Variants in ZNF550 observed in about 807,000 individuals in gnomAD.
The protein encoded by ZNF550 is zinc finger protein 550.
Under a neutral mutation model 40.2 loss-of-function variants are expected in ZNF550, and 42 were observed. That is an observed-to-expected ratio of 1.05 (90% CI 0.82 to 1.35). The LOEUF is 1.35. ZNF550 is among the 40% of genes most tolerant of loss of function. The pLI, the probability that ZNF550 is intolerant of heterozygous loss-of-function variation, is 0.00. For synonymous variants in ZNF550, 223 were observed against 198.6 expected, an observed-to-expected ratio of 1.12 and a Z score of -1.03; for missense variants, 549 against 525.2, an observed-to-expected ratio of 1.05 and a Z score of -0.44.
Position 57,547,892 on chromosome 19 carries a change from AG to A in ZNF550, c.351del (p.Ser118GlnfsTer23). 6.2e-7 allele frequency: 1 copy of A among 1,614,030 alleles called. No individual in the cohort carries two copies. The highest frequency in any genetic ancestry group is 8.5e-7 in the Non-Finnish European group (1 of 1,180,010). ...GCTCTCCCCAACCTCGAATCACTTG[AG>A]GTTGAAGATTCCAGAGTCAGGCTTC... On this transcript the variant is annotated frameshift_variant, in exon 4 of 5. Transcript: ENST00000457177. LOFTEE classifies it high-confidence loss of function.
intron 2 of ZNF550, 25 bp from the exon 3 acceptor site, chr19:57,552,747 TA>T: frequency 2.0e-6 from 3 of 1,528,082 alleles, no homozygotes; most frequent in African/African-American, 1.4e-5. Flanking sequence ...AGAAATAGAA[TA>T]GGGGTAATTT....
exon 5 of ZNF550, chr19:57,543,171 T>C (rs1166863934): frequency 2.2e-6 from 2 of 891,504 alleles, no homozygotes; most frequent in East Asian, 1.2e-4. Context: ...TTTCCTTCGG[T>C]GTTGTAGTTC....
intron 1 of ZNF550, chr19:57,557,506 TAG>T (rs1290765577): frequency 2.6e-5 from 4 of 152,230 alleles, no homozygotes; most frequent in South Asian, 2.1e-4. Flanking sequence ...ATGGAGATGG[TAG>T]AGATAGTGAT....
chr19:57,552,471 C>A, intron 3 of ZNF550, 156 bp downstream of exon 3: 1 of 597,988 alleles, frequency 1.7e-6, no homozygotes, highest in Non-Finnish European at 3.0e-6. Flanking sequence ...TCAGTGCTCA[C>A]CTGATGATGG....
chr19:57,558,654 T>C (rs1312752199), intron 1 of ZNF550, among the ~76,000 whole-genome samples: 1 of 152,154 alleles, frequency 6.6e-6, no homozygotes, highest in Admixed American at 6.5e-5. Flanking sequence ...AAAGAGACTC[T>C]GGTCAGCTTT....
rs375809642 is a variant in ZNF550 at position 57,551,419 on chromosome 19, C to T, written c.250+1208G>A. 7.9e-5 allele frequency among the ~76,000 whole-genome samples: 12 copies of T among 151,932 alleles called. No individual in the cohort carries two copies. The East Asian group carries it at 1.7e-3, about 22-fold the overall frequency. ...GCCCAGGCAGAAGATTATGAGAGCC[C>T]GGACTAGGGTGTTGGTGAAGGAGCC... On this transcript the variant is annotated intron_variant, in intron 3 of 4. Coordinates refer to ENST00000457177, the Ensembl canonical transcript of ZNF550.
rs1188375456 is a variant in ZNF550 at position 57,554,706 on chromosome 19, C to T, written c.154+1525G>A. On this transcript the variant is annotated intron_variant, in intron 2 of 4. Coordinates refer to ENST00000457177, the Ensembl canonical transcript of ZNF550. The surrounding 1 kb of genome is among the most constrained non-coding windows in gnomAD (Gnocchi z 4.5). ...TTCAGACATGTCACAGTAAGGTCCA[C>T]CAATGTGTGCTACATGCCTGGCTTT... is the stretch of plus-strand genomic sequence containing the variant. 1.3e-5 allele frequency: 2 copies of T among 152,254 alleles called. No homozygotes were observed. Among genetic ancestry groups the T allele is most frequent in the African/African-American group, 4.8e-5 (2 of 41,464 alleles). The allele number at this position is 152,254 out of a possible 1,614,324, so 9.4% of individuals were successfully genotyped here.
At chr19:57,550,735 C>T (rs966629107) in intron 3 of ZNF550, among the ~76,000 whole-genome samples, 1 of 152,108 alleles carries the variant, frequency 6.6e-6, no homozygotes, top group Non-Finnish European at 1.5e-5. Context: ...TGCAGAAATG[C>T]AAAAATTTAA....
chr19:57,546,414 G>T, intron 4 of ZNF550: 2 of 876,232 alleles, frequency 2.3e-6, no homozygotes, highest in Non-Finnish European at 2.7e-6. Context: ...AAATAAAACT[G>T]ATCTTACAGG....
At chr19:57,559,878 G>C (rs973083343), upstream of ZNF550, 11 of 445,124 alleles carry the variant, frequency 2.5e-5, no homozygotes, top group Admixed American at 8.2e-5. Context: ...CTGTGTCGCG[G>C]TCGCCTGCCA....
intron 2 of ZNF550, 27 bp downstream of exon 2, chr19:57,556,204 C>T (rs1418250714): frequency 6.2e-7 from 1 of 1,613,596 alleles, no homozygotes; most frequent in African/African-American, 1.3e-5. Context: ...TTAGGGTCCT[C>T]CTCAGGGATG....
upstream of ZNF550, among the ~76,000 whole-genome samples, chr19:57,561,024 G>A (rs2090162096): frequency 6.6e-6 from 1 of 152,178 alleles, no homozygotes; most frequent in African/African-American, 2.4e-5. This position sits in a 1 kb window ranked among gnomAD's most constrained non-coding sequence, Gnocchi z 4.9. Context: ...CCTGGTTACT[G>A]CCCCCTTTCT....
Position 57,547,999 on chromosome 19 carries a change from G to A in ZNF550, c.251-6C>T. 6.2e-7 allele frequency: 1 copy of A among 1,605,260 alleles called. No individual in the cohort carries two copies. The highest frequency in any genetic ancestry group is 8.5e-7 in the Non-Finnish European group (1 of 1,174,754). ...ATGAACTTGTGCTCTGTCACCTGAA[G>A]GGCATCAACAAACAAAGGAGGGGTC... On this transcript the variant is annotated splice_polypyrimidine_tract_variant and splice_region_variant and intron_variant, in intron 3 of 4. Coordinates refer to ENST00000457177, the Ensembl canonical transcript of ZNF550.
At chr19:57,556,306 T>G in exon 2 of ZNF550, 3 of 1,614,042 alleles carry the variant, frequency 1.9e-6, no homozygotes, top group Non-Finnish European at 2.5e-6. Context: ...TCCAGCTGTC[T>G]CCACTCCTCC....
intron 1 of ZNF550, chr19:57,556,593 G>A: frequency 2.3e-6 from 1 of 442,468 alleles, no homozygotes; most frequent in Non-Finnish European, 4.1e-6. Context: ...CACAAACAAT[G>A]GCAATCCCAC....
intron 1 of ZNF550, chr19:57,557,495 C>T: frequency 6.6e-6 from 1 of 152,168 alleles, no homozygotes; most frequent in East Asian, 1.9e-4. Flanking sequence ...ACATCCCCCT[C>T]ATGGAGATGG....
exon 4 of ZNF550, chr19:57,547,965 C>A (rs765434967): frequency 3.1e-6 from 5 of 1,613,654 alleles, no homozygotes; most frequent in Non-Finnish European, 3.4e-6. Context: ...AAGTGGTTGG[C>A]TCTCTGGTAT....
chr19:57,547,540 G>A (rs767619857), exon 4 of ZNF550: 3 of 1,614,110 alleles, frequency 1.9e-6, no homozygotes, highest in South Asian at 1.1e-5. Flanking sequence ...TTTCCCACAT[G>A]CATTGCATTC....
chr19:57,552,972 T>G (rs978761951), intron 2 of ZNF550: 1 of 417,500 alleles, frequency 2.4e-6, no homozygotes, highest in African/African-American at 2.0e-5. Flanking sequence ...AGAAGGTAAT[T>G]AAAATTAAAT....
Sources: allele counts gnomAD v4.1 joint callset (sites outside exome capture counted in the v4.1 genomes callset), GRCh38; gene constraint gnomAD v4.1.1; non-coding constraint Gnocchi (gnomAD v3.1); transcripts MANE v1.5; gene names NCBI Gene and HGNC (gene_info 2026-07-23, HGNC 2026-07-21).